Variants in LRRN2 observed in about 807,000 individuals in gnomAD.
LRRN2 encodes leucine rich repeat neuronal 2, also known as leucine-rich repeat neuronal protein 2.
In LRRN2, 10 loss-of-function variants were observed where a neutral mutation model predicts 35.7. That is an observed-to-expected ratio of 0.28 (90% CI 0.17 to 0.47). The LOEUF (loss-of-function observed/expected upper bound fraction) is 0.47. Ranked by LOEUF, LRRN2 falls within the 20% of genes least tolerant of loss-of-function variation. The pLI, the probability that LRRN2 is intolerant of heterozygous loss-of-function variation, is 0.99. For synonymous variants in LRRN2, 391 were observed against 409.6 expected, an observed-to-expected ratio of 0.95 and a Z score of 0.55; for missense variants, 731 against 940.3, an observed-to-expected ratio of 0.78 and a Z score of 2.91.
intron 1 of LRRN2, among the ~76,000 whole-genome samples, chr1:204,671,645 A>AC (rs1558422524): frequency 7.1e-6 from 1 of 140,430 alleles, no homozygotes; most frequent in Non-Finnish European, 1.6e-5. Context: ...TTGATGGTAA[A>AC]AAAAAAAAAA....
chr1:204,628,871 CCACATGCTCT>C (rs1307742517), intron 1 of LRRN2: 1 of 152,324 alleles, frequency 6.6e-6, no homozygotes, highest in Admixed American at 6.5e-5. Flanking sequence ...CTCTGCTTCC[CCACATGCTCT>C]CCAGAAGGGT....
At chr1:204,623,888 T>TC (rs1299759826) in intron 1 of LRRN2, among the ~76,000 whole-genome samples, 1 of 152,062 alleles carries the variant, frequency 6.6e-6, no homozygotes, top group Non-Finnish European at 1.5e-5. Flanking sequence ...TTGCATTTAA[T>TC]CCCCCCAACA....
intron 1 of LRRN2, among the ~76,000 whole-genome samples, chr1:204,645,898 T>C (rs1016622802): frequency 6.6e-5 from 10 of 152,242 alleles, no homozygotes; most frequent in South Asian, 2.1e-4. Flanking sequence ...CACCACTTGG[T>C]CCCACCCTTG....
intron 1 of LRRN2, among the ~76,000 whole-genome samples, chr1:204,656,111 C>T (rs977940175): frequency 2.0e-5 from 3 of 151,906 alleles, no homozygotes; most frequent in African/African-American, 4.8e-5. Context: ...GGGTTTCACC[C>T]TGTTAGCCAG....
intron 1 of LRRN2, among the ~76,000 whole-genome samples, chr1:204,661,194 A>G (rs1668464686): frequency 6.6e-6 from 1 of 152,220 alleles, no homozygotes; most frequent in African/African-American, 2.4e-5. Flanking sequence ...GAAGTGATAC[A>G]ATGTGGAGCA....
chr1:204,649,846 C>A (rs1668184887), intron 1 of LRRN2, among the ~76,000 whole-genome samples: 1 of 152,108 alleles, frequency 6.6e-6, no homozygotes, highest in Non-Finnish European at 1.5e-5. Flanking sequence ...ATGGGGAGAG[C>A]AAGGCCAGGC....
At chr1:204,648,232 A>G (rs1668151535) in intron 1 of LRRN2, among the ~76,000 whole-genome samples, 1 of 152,202 alleles carries the variant, frequency 6.6e-6, no homozygotes, top group Non-Finnish European at 1.5e-5. Flanking sequence ...GGAAAATGTC[A>G]GAGAGGTGCA....
chr1:204,669,449 C>T (rs1194512211), intron 1 of LRRN2, among the ~76,000 whole-genome samples: 1 of 152,248 alleles, frequency 6.6e-6, no homozygotes, highest in African/African-American at 2.4e-5. Context: ...TCTCTACCCT[C>T]ATAGAGTCAC....
In LRRN2 at chr1:204,619,403, C is replaced by T. The variant is rs1473246670; in HGVS notation, c.590G>A (p.Gly197Asp). 1.2e-6 allele frequency: 2 copies of T among 1,614,234 alleles called. No individual in the cohort carries two copies. The highest frequency in any genetic ancestry group is 2.2e-5 in the South Asian group (2 of 91,082). The change falls in exon 2 of 2, where the codon GGC becomes GAC. Residue 197 changes from glycine to aspartate, a missense_variant. Around this residue, in one of 3 missense-constraint regions of LRRN2, gnomAD observed 246 missense variants for 289.5 expected, o/e 0.85. Coordinates refer to ENST00000367177, the MANE Select transcript of LRRN2 (RefSeq NM_201630.2). ...CAGGATGGCATCTACCTTGTTGCCG[C>T]CAATCATGAGTATCTCCAAGTTGGG... ...MLPNLEILMIGGNKVDAILDM... is the reference protein window; with the variant it reads ...MLPNLEILMIDGNKVDAILDM...
At chr1:204,643,594 G>C (rs1024590208) in intron 1 of LRRN2, among the ~76,000 whole-genome samples, 1 of 152,106 alleles carries the variant, frequency 6.6e-6, no homozygotes, top group African/African-American at 2.4e-5. Context: ...ATCATGACAG[G>C]GAGTGTGTGC....
At position 204,617,330 on chromosome 1, in the gene LRRN2, G is replaced by C. The variant is rs1194880163; in HGVS notation, c.*521C>G. The C allele has an allele frequency of 1.3e-5, 2 of 153,728 alleles. No individual in the cohort carries two copies. Among genetic ancestry groups the C allele is most frequent in the Non-Finnish European group, 2.9e-5 (2 of 69,066 alleles). 9.5% of individuals were successfully genotyped at this position (153,728 alleles called of 1,614,324 possible). A position where few individuals can be genotyped will look rare whatever the true frequency, so the allele number is the denominator to read the frequency against. On this transcript the variant is annotated 3_prime_UTR_variant, in exon 2 of 2. Coordinates refer to ENST00000367177, the MANE Select transcript of LRRN2 (RefSeq NM_201630.2). ...AGTCAGCTTCGGAATGCCGAGCCCAGGCTGCTGAGATGAGGCGTTCCTGGG... is the reference window on the plus strand; with the variant it reads ...AGTCAGCTTCGGAATGCCGAGCCCACGCTGCTGAGATGAGGCGTTCCTGGG...
At chr1:204,634,854 G>T (rs1448054576) in intron 1 of LRRN2, among the ~76,000 whole-genome samples, 3 of 152,166 alleles carry the variant, frequency 2.0e-5, no homozygotes, top group African/African-American at 7.2e-5. Context: ...TGCAAGCTTG[G>T]GCAAGATGCT....
chr1:204,645,725 T>TA (rs1433291564), intron 1 of LRRN2, among the ~76,000 whole-genome samples: 2 of 152,066 alleles, frequency 1.3e-5, no homozygotes, highest in African/African-American at 4.8e-5. Flanking sequence ...TCAGGAAACT[T>TA]ACAATCATGG....
chr1:204,639,884 C>T (rs1439841956), intron 1 of LRRN2, among the ~76,000 whole-genome samples: 1 of 152,032 alleles, frequency 6.6e-6, no homozygotes, highest in Non-Finnish European at 1.5e-5. Flanking sequence ...AGCAAGAATC[C>T]ATGCTCTTAA....
At chr1:204,652,262 C>G (rs534271815) in intron 1 of LRRN2, among the ~76,000 whole-genome samples, 4 of 19,840 alleles carry the variant, frequency 2.0e-4, no homozygotes, top group Non-Finnish European at 2.4e-4. Context: ...TCTTCACCGC[C>G]CCCCCCCCGC....
rs1285210348 is a variant in LRRN2, at chr1:204,657,339, T to TAC, written c.-227+27980_-227+27981insGT. On this transcript the variant is annotated intron_variant, in intron 1 of 1. Transcript: ENST00000367177. Reference sequence around the variant, plus strand: ...ATCTATGTGTCTATATATATGTATATATACACACACACACACACACACACA... The same window carrying TAC: ...ATCTATGTGTCTATATATATGTATATACATACACACACACACACACACACACA... Among the ~76,000 whole-genome samples, 374 of 124,286 alleles carry TAC rather than the reference T, an allele frequency of 3.0e-3. 3 individuals are homozygous for TAC. Among genetic ancestry groups the TAC allele is most frequent in the African/African-American group, 8.8e-3 (291 of 32,968 alleles). 81.5% of individuals were successfully genotyped at this position (124,286 alleles called of 152,430 possible).
intron 1 of LRRN2, among the ~76,000 whole-genome samples, chr1:204,668,399 A>G (rs940214338): frequency 6.6e-6 from 1 of 152,194 alleles, no homozygotes; most frequent in Non-Finnish European, 1.5e-5. Flanking sequence ...GTTCGAGACC[A>G]GCCTGGCCAA....
At chr1:204,633,492 G>A (rs1416130672) in intron 1 of LRRN2, among the ~76,000 whole-genome samples, 3 of 152,152 alleles carry the variant, frequency 2.0e-5, no homozygotes, top group African/African-American at 7.2e-5. Flanking sequence ...CCAGTGAGAG[G>A]GCAATGATAA....
At chr1:204,669,813 A>G (rs191755616) in intron 1 of LRRN2, among the ~76,000 whole-genome samples, 2 of 152,334 alleles carry the variant, frequency 1.3e-5, no homozygotes, top group African/African-American at 4.8e-5. Flanking sequence ...CAGTGCAGGC[A>G]CAGGTCAGAT....
Sources: allele counts gnomAD v4.1 joint callset (sites outside exome capture counted in the v4.1 genomes callset), GRCh38; gene constraint gnomAD v4.1.1; regional missense constraint gnomAD v4.1.1; transcripts MANE v1.5; gene names NCBI Gene and HGNC (gene_info 2026-07-23, HGNC 2026-07-21).